STAB2: variants seen among roughly 807,000 people sequenced by gnomAD.
STAB2 encodes the protein stabilin 2, also known as stabilin-2.
Under a neutral mutation model 338.1 loss-of-function variants are expected in STAB2, and 288 were observed. The ratio of observed to expected loss-of-function variants is 0.85; its 90% CI spans 0.77 to 0.94. The LOEUF (loss-of-function observed/expected upper bound fraction) is 0.94, where lower values mean the gene tolerates loss of function less well. Among genes scored for constraint, STAB2 ranks in the 40% least tolerant of loss-of-function variants. The pLI is 0.00. For synonymous variants in STAB2, 1,202 were observed against 1,193.3 expected (o/e 1.01, Z -0.15); for missense variants, 3,141 against 3,210.1 (o/e 0.98, Z 0.52).
chr12:103,594,875 T>A (rs1046775454), intron 3 of STAB2, among the ~76,000 whole-genome samples: 1 of 152,236 alleles, frequency 6.6e-6, no homozygotes, highest in African/African-American at 2.4e-5. Flanking sequence ...TCTCAAAGAC[T>A]GTAGTTATTG....
chr12:103,758,102 C>A, intron 63 of STAB2, 68 bp from the exon 64 acceptor site: 3 of 1,603,110 alleles, frequency 1.9e-6, no homozygotes, highest in East Asian at 2.2e-5. Context: ...GCCCTGGGAC[C>A]TTCTTCAGCC....
rs752498989 is a variant in STAB2, at chr12:103,727,294, C to T, written c.4879C>T (p.Pro1627Ser). Residue 1627 changes from proline to serine, a missense_variant, in exon 47 of 69, where the codon CCA becomes TCA. Physicochemically the swap from Pro to Ser is moderately conservative, Grantham distance 74. Coordinates refer to ENST00000388887, the MANE Select transcript of STAB2 (RefSeq NM_017564.10). Reference protein sequence around the residue: ...QEHFVKDLVGPGPFTVFAPLS... With the variant: ...QEHFVKDLVGSGPFTVFAPLS... The stretch of plus-strand genomic sequence containing the variant: ...GCATTTCGTGAAAGATCTGGTCGGC[C>T]CAGGCCCCTTCACTGTTTTTGCACC... The T allele has an allele frequency of 6.2e-7, 1 of 1,614,222 alleles. No individual in the cohort carries two copies. Among genetic ancestry groups the T allele is most frequent in the South Asian group, 1.1e-5 (1 of 91,086 alleles).
At chr12:103,630,122 T>C (rs767747664) in intron 5 of STAB2, among the ~76,000 whole-genome samples, 1 of 152,132 alleles carries the variant, frequency 6.6e-6, no homozygotes, top group African/African-American at 2.4e-5. Flanking sequence ...CCTTTGCTAA[T>C]CAAATGAAAT....
rs149589135 is a variant in STAB2 at position 103,729,699 on chromosome 12, G to A, written c.5083-417G>A. Among the ~76,000 whole-genome samples the A allele has an allele frequency of 3.3e-5, 5 of 152,272 alleles. No homozygotes were observed. The East Asian group carries it at 9.7e-4, about 29-fold the overall frequency. On this transcript the variant is annotated intron_variant, in intron 48 of 68. Coordinates refer to ENST00000388887, the MANE Select transcript of STAB2 (RefSeq NM_017564.10). The stretch of plus-strand genomic sequence containing the variant: ...GGTAGCATTAGTCAGAAGCTGGGAA[G>A]GTTTGAAAGCTTTTGATCCAAGCCA...
At chr12:103,594,611 T>C in intron 3 of STAB2, 101 bp downstream of exon 3, 2 of 935,724 alleles carry the variant, frequency 2.1e-6, no homozygotes, top group Admixed American at 4.0e-5. Flanking sequence ...AATGTTAACA[T>C]CCGTTTGTAG....
intron 18 of STAB2, among the ~76,000 whole-genome samples, chr12:103,664,246 C>A (rs751112381): frequency 5.9e-4 from 90 of 152,268 alleles, no homozygotes; most frequent in Non-Finnish European, 9.6e-4. Flanking sequence ...CGGGTTCATG[C>A]CATTCTCCTG....
intron 31 of STAB2, 79 bp downstream of exon 31, chr12:103,692,968 TTA>T: frequency 8.1e-7 from 1 of 1,234,206 alleles, no homozygotes. Context: ...ATTTTTTTTT[TTA>T]AATAGAAAAA....
rs1013340339 is a variant in STAB2, at chr12:103,600,329, C to T, written c.331+5819C>T. 7.2e-5 allele frequency among the ~76,000 whole-genome samples: 11 copies of T among 152,316 alleles called. 1 individual carries two copies. The highest frequency in any genetic ancestry group is 3.3e-4 in the Admixed American group (5 of 15,302). ...CTGATGTCTCAGGCCACAGCAAAGGCCTGTGCTTGAGGAGTGTAAAGAAGG... is the reference window on the plus strand; with the variant it reads ...CTGATGTCTCAGGCCACAGCAAAGGTCTGTGCTTGAGGAGTGTAAAGAAGG... On this transcript the variant is annotated intron_variant, in intron 3 of 68. Transcript: ENST00000388887.
chr12:103,699,254 GC>G, intron 34 of STAB2, 27 bp downstream of exon 34: 1 of 1,574,674 alleles, frequency 6.4e-7, no homozygotes. Context: ...TAAAACCCCA[GC>G]AATGCCACCG....
rs200947757 is a variant in STAB2 at position 103,648,798 on chromosome 12, G to T, written c.1149G>T (p.Arg383Ser). Residue 383 changes from arginine (R) to serine (S), a missense_variant, in exon 10 of 69, where the codon AGG becomes AGT. Arg to Ser is a moderately radical substitution (Grantham distance 110). Coordinates refer to ENST00000388887, the MANE Select transcript of STAB2 (RefSeq NM_017564.10). ...AACCCAGAGGAAAATGGCAAGGAAGGCTGACCTCTTTCATCTCACTCCTAG... is the reference window on the plus strand; with the variant it reads ...AACCCAGAGGAAAATGGCAAGGAAGTCTGACCTCTTTCATCTCACTCCTAG... ...NTEPRGKWQGRLTSFISLLDK... is the reference protein window; with the variant it reads ...NTEPRGKWQGSLTSFISLLDK... 5.6e-6 allele frequency: 9 copies of T among 1,613,956 alleles called. No individual in the cohort carries two copies. The highest frequency in any genetic ancestry group is 4.5e-5 in the East Asian group (2 of 44,896).
At chr12:103,620,402 G>A in intron 3 of STAB2, 66 bp from the exon 4 acceptor site, 1 of 1,413,016 alleles carries the variant, frequency 7.1e-7, no homozygotes, top group Middle Eastern at 2.0e-4. Flanking sequence ...AGGTGTTTAA[G>A]CGCATCCTTG....
chr12:103,714,362 G>C (rs1449330178), intron 42 of STAB2, among the ~76,000 whole-genome samples: 1 of 152,086 alleles, frequency 6.6e-6, no homozygotes, highest in African/African-American at 2.4e-5. Context: ...TATACAAATA[G>C]CACAAAAAAG....
At position 103,740,618 on chromosome 12, in the gene STAB2, C is replaced by G. The variant is rs753522069; in HGVS notation, c.5755-12C>G. 6 of 1,610,774 alleles carry G rather than the reference C, an allele frequency of 3.7e-6. No homozygotes were observed. In the South Asian group the frequency reaches 5.5e-5, roughly 15 times the overall value. Reference sequence around the variant, plus strand: ...GTGGTAAGTGAAGGGATGGTCCACTCTCTTCCCTTAGGGTGTGAAGCAGAA... The same window carrying G: ...GTGGTAAGTGAAGGGATGGTCCACTGTCTTCCCTTAGGGTGTGAAGCAGAA... On this transcript the variant is annotated splice_polypyrimidine_tract_variant and intron_variant, in intron 54 of 68. Transcript: ENST00000388887.
chr12:103,638,618 G>A (rs557963227), intron 8 of STAB2, among the ~76,000 whole-genome samples: 5 of 152,258 alleles, frequency 3.3e-5, no homozygotes, highest in Admixed American at 6.5e-5. Flanking sequence ...TGTTCCAAAC[G>A]AATGAAACAG....
In STAB2 at chr12:103,669,397, G is replaced by T. The variant is rs920145471; in HGVS notation, c.2173-144G>T. 8.9e-6 allele frequency: 6 copies of T among 670,628 alleles called. No homozygotes were observed. The African/African-American group carries it at 1.1e-4, about 12-fold the overall frequency. 41.5% of individuals were successfully genotyped at this position (670,628 alleles called of 1,614,324 possible). A position where few individuals can be genotyped will look rare whatever the true frequency, so the allele number is the denominator to read the frequency against. ...GACCAGATGACTGAGCACTAGCCAT[G>T]CCATCAACTGCCAAAGAAAAGGGCA... On this transcript the variant is annotated intron_variant, in intron 20 of 68. Coordinates refer to ENST00000388887, the MANE Select transcript of STAB2 (RefSeq NM_017564.10).
intron 15 of STAB2, among the ~76,000 whole-genome samples, chr12:103,656,496 A>G (rs984884591): frequency 2.0e-5 from 3 of 152,204 alleles, no homozygotes; most frequent in Non-Finnish European, 4.4e-5. Flanking sequence ...TGCTGGGATG[A>G]GGCCCAGAAA....
intron 59 of STAB2, among the ~76,000 whole-genome samples, chr12:103,750,024 G>A (rs1883484530): frequency 6.6e-6 from 1 of 152,120 alleles, no homozygotes; most frequent in Non-Finnish European, 1.5e-5. Flanking sequence ...ATTACTCTCT[G>A]AGCCCCAGTT....
chr12:103,630,817 GAAACATCAATTTT>G (rs1237098420), intron 5 of STAB2, among the ~76,000 whole-genome samples: 1 of 152,216 alleles, frequency 6.6e-6, no homozygotes, highest in Non-Finnish European at 1.5e-5. Context: ...CAGCCCAACT[GAAACATCAATTTT>G]AGCTCAATGA....
intron 25 of STAB2, 81 bp from the exon 26 acceptor site, chr12:103,683,124 G>C (rs904278690): frequency 8.0e-7 from 1 of 1,256,010 alleles, no homozygotes; most frequent in Non-Finnish European, 1.1e-6. Flanking sequence ...TCCATAGTAC[G>C]TTTCTCAGTG....
Sources: allele counts gnomAD v4.1 joint callset (sites outside exome capture counted in the v4.1 genomes callset), GRCh38; gene constraint gnomAD v4.1.1; transcripts MANE v1.5; gene names NCBI Gene and HGNC (gene_info 2026-07-23, HGNC 2026-07-21).